GBE1: variants seen among roughly 807,000 people sequenced by gnomAD.
GBE1 encodes 1,4-alpha-glucan-branching enzyme.
Under a neutral mutation model 88.8 loss-of-function variants are expected in GBE1, and 70 were observed. The ratio of observed to expected loss-of-function variants is 0.79; its 90% CI spans 0.65 to 0.96. GBE1 has a LOEUF of 0.96. Among genes scored for constraint, GBE1 ranks in the 40% least tolerant of loss-of-function variants. The probability of loss-of-function intolerance (pLI) is 0.00; values close to 1 mark genes in which losing one functional copy is unlikely to be tolerated. For synonymous variants in GBE1, 284 were observed against 300.1 expected (o/e 0.95, Z 0.56); for missense variants, 872 against 871.0 (o/e 1.00, Z -0.01).
At chr3:81,750,416 C>G (rs900733444) in intron 1 of GBE1, among the ~76,000 whole-genome samples, 17 of 149,330 alleles carry the variant, frequency 1.1e-4, no homozygotes, top group African/African-American at 4.2e-4. Flanking sequence ...TTTAATCACA[C>G]AAATTTTCTA....
intron 7 of GBE1, chr3:81,612,232 A>AAAT (rs1704191364): frequency 2.0e-6 from 1 of 495,220 alleles, no homozygotes; most frequent in Admixed American, 4.1e-5. Flanking sequence ...AAAAAAAAAA[A>AAAT]AAAAAAAAAA....
chr3:81,574,509 C>G (rs999660671), intron 12 of GBE1, among the ~76,000 whole-genome samples: 17 of 151,526 alleles, frequency 1.1e-4, no homozygotes, highest in African/African-American at 3.9e-4. Context: ...TCCAACCCAA[C>G]AGTATTCTTA....
intron 2 of GBE1, among the ~76,000 whole-genome samples, chr3:81,704,771 C>CTT (rs1705748594): frequency 1.3e-5 from 2 of 152,042 alleles, no homozygotes; most frequent in South Asian, 4.1e-4. Flanking sequence ...AATGTATTTA[C>CTT]CCTTCAAGAA....
At chr3:81,667,818 C>G (rs992666513) in intron 3 of GBE1, among the ~76,000 whole-genome samples, 1 of 152,136 alleles carries the variant, frequency 6.6e-6, no homozygotes, top group African/African-American at 2.4e-5. Context: ...GATGGATAAG[C>G]TTTTCTGATG....
At chr3:81,731,773 G>A (rs1001724271) in intron 1 of GBE1, among the ~76,000 whole-genome samples, 10 of 151,722 alleles carry the variant, frequency 6.6e-5, no homozygotes, top group East Asian at 1.9e-4. Context: ...TTCACCTTCC[G>A]CCATGAATGT....
chr3:81,650,540 A>G (rs1445198916), intron 3 of GBE1, among the ~76,000 whole-genome samples: 1 of 152,224 alleles, frequency 6.6e-6, no homozygotes, highest in Non-Finnish European at 1.5e-5. Flanking sequence ...ACTATTTTTG[A>G]TAATAAAAAA....
Position 81,614,371 on chromosome 3 carries a change from G to A in GBE1, c.993-20348C>T, listed in dbSNP as rs76669630. Among the ~76,000 whole-genome samples, 646 of 152,296 alleles carry A rather than the reference G, an allele frequency of 4.2e-3. 28 individuals are homozygous for A. The East Asian group carries it at 0.11, about 25-fold the overall frequency. ...AATCAAAATGTTCTTAATTGGCATT[G>A]ATGTTCTAAGTGACTGCATAAGCAG... On this transcript the variant is annotated intron_variant, in intron 7 of 15. Coordinates refer to ENST00000429644, the MANE Select transcript of GBE1 (RefSeq NM_000158.4).
intron 12 of GBE1, among the ~76,000 whole-genome samples, chr3:81,571,433 G>C (rs1470051952): frequency 6.6e-6 from 1 of 152,168 alleles, no homozygotes; most frequent in Non-Finnish European, 1.5e-5. Context: ...GGAGCACTGA[G>C]CTACATTACA....
intron 12 of GBE1, among the ~76,000 whole-genome samples, chr3:81,561,163 T>C (rs533464091): frequency 6.6e-6 from 1 of 152,036 alleles, no homozygotes; most frequent in Non-Finnish European, 1.5e-5. Context: ...TGATAACGTA[T>C]AAAGTGTTAC....
intron 12 of GBE1, among the ~76,000 whole-genome samples, chr3:81,574,708 T>C (rs1295977141): frequency 1.3e-5 from 2 of 152,220 alleles, no homozygotes; most frequent in East Asian, 3.8e-4. Context: ...CCTATATGTC[T>C]CTGAGTCGAA....
intron 2 of GBE1, among the ~76,000 whole-genome samples, chr3:81,697,656 T>C (rs1238986139): frequency 6.6e-6 from 1 of 152,130 alleles, no homozygotes; most frequent in East Asian, 1.9e-4. Flanking sequence ...TGTTCAGCTA[T>C]CAGGAAGCTC....
chr3:81,610,464 C>T (rs941752787), intron 7 of GBE1, among the ~76,000 whole-genome samples: 4 of 152,074 alleles, frequency 2.6e-5, no homozygotes, highest in African/African-American at 9.7e-5. Flanking sequence ...AATCCATAAA[C>T]ACTTCATAAG....
chr3:81,738,511 G>A (rs1482298833), intron 1 of GBE1, among the ~76,000 whole-genome samples: 2 of 151,134 alleles, frequency 1.3e-5, no homozygotes, highest in Admixed American at 1.3e-4. Context: ...CAGTGATGGT[G>A]AGCAAAAAAT....
intron 12 of GBE1, among the ~76,000 whole-genome samples, chr3:81,572,641 G>A (rs1433118074): frequency 6.6e-6 from 1 of 151,936 alleles, no homozygotes; most frequent in African/African-American, 2.4e-5. Context: ...TTTAATTTAT[G>A]CTTTACTTGA....
intron 1 of GBE1, among the ~76,000 whole-genome samples, chr3:81,737,135 T>C (rs916637284): frequency 2.7e-5 from 4 of 150,846 alleles, no homozygotes; most frequent in African/African-American, 9.8e-5. Flanking sequence ...TTCTCCTGAG[T>C]AGAAATAATG....
chr3:81,740,766 G>GCA (rs71633686), intron 1 of GBE1, among the ~76,000 whole-genome samples: 2,054 of 149,286 alleles, frequency 0.014, 26 homozygotes, highest in Middle Eastern at 0.025. Flanking sequence ...GTTAGAAAGT[G>GCA]CACACACACA....
intron 7 of GBE1, among the ~76,000 whole-genome samples, chr3:81,600,945 G>A (rs1435967188): frequency 6.6e-6 from 1 of 151,896 alleles, no homozygotes; most frequent in African/African-American, 2.4e-5. Flanking sequence ...CTAGGAGTGG[G>A]AAATCAAGGA....
intron 14 of GBE1, among the ~76,000 whole-genome samples, chr3:81,515,106 T>C (rs1410785264): frequency 6.6e-6 from 1 of 151,618 alleles, no homozygotes; most frequent in Admixed American, 6.6e-5. Context: ...TGCACCAGCA[T>C]AGCTCATTTT....
At chr3:81,720,946 C>T (rs1706018739) in intron 1 of GBE1, among the ~76,000 whole-genome samples, 1 of 128,006 alleles carries the variant, frequency 7.8e-6, no homozygotes, top group Non-Finnish European at 1.6e-5. Context: ...TAAACTATCG[C>T]AAGAACAAAA....
Sources: gnomAD v4.1 joint callset for allele counts (sites outside exome capture counted in the v4.1 genomes callset) on GRCh38, gnomAD v4.1.1 for gene constraint, MANE v1.5 for transcripts, NCBI Gene and HGNC (gene_info 2026-07-23, HGNC 2026-07-21) for gene names.